ADCK1: variants seen among roughly 807,000 people sequenced by gnomAD.
ADCK1 encodes aarF domain containing kinase 1.
A neutral mutation model predicts 52.3 loss-of-function variants in ADCK1; 41 were observed. That is an observed-to-expected ratio of 0.78 (90% CI 0.61 to 1.02). ADCK1 has a LOEUF of 1.02. ADCK1 is among the 50% of genes least tolerant of loss of function. The probability of loss-of-function intolerance (pLI) is 0.00; values close to 1 mark genes in which losing one functional copy is unlikely to be tolerated. For missense variants in ADCK1, 658 were observed against 679.5 expected (o/e 0.97, Z 0.35); for synonymous variants, 250 against 274.6 (o/e 0.91, Z 0.89).
In ADCK1 at chr14:77,903,288, C is replaced by T. The variant is rs137883656; in HGVS notation, c.741+4030C>T. Among the ~76,000 whole-genome samples the T allele has an allele frequency of 7.2e-3, 1,090 of 152,314 alleles. 13 individuals carry two copies. The highest frequency in any genetic ancestry group is 0.025 in the African/African-American group (1,036 of 41,570). On this transcript the variant is annotated intron_variant, in intron 6 of 10. Transcript: ENST00000238561. Reference sequence around the variant, plus strand: ...GGAAGTGAATTTTGCACTGTGAACCCAGTTCAGCTCTTAAAACTGGAGATA... The same window carrying T: ...GGAAGTGAATTTTGCACTGTGAACCTAGTTCAGCTCTTAAAACTGGAGATA...
At chr14:77,908,001 T>A (rs1250251432) in intron 7 of ADCK1, 82 bp downstream of exon 7, 12 of 1,170,608 alleles carry the variant, frequency 1.0e-5, no homozygotes, top group Non-Finnish European at 1.5e-5. Flanking sequence ...TGTGTCCAGG[T>A]GAGGCCTCAG....
At chr14:77,905,553 G>A (rs906466657) in intron 6 of ADCK1, among the ~76,000 whole-genome samples, 1 of 151,946 alleles carries the variant, frequency 6.6e-6, no homozygotes, top group Non-Finnish European at 1.5e-5. Context: ...TTGACCTCTT[G>A]TCTCCAGAGC....
At chr14:77,870,907 T>G (rs2082762116) in intron 4 of ADCK1, among the ~76,000 whole-genome samples, 1 of 152,178 alleles carries the variant, frequency 6.6e-6, no homozygotes, top group South Asian at 2.1e-4. Flanking sequence ...GCTGTCAGTA[T>G]GGGCAGGGTG....
chr14:77,872,677 CT>C (rs35569874), intron 4 of ADCK1, among the ~76,000 whole-genome samples: 41,604 of 140,736 alleles, frequency 0.3, 7,285 homozygotes, highest in East Asian at 0.49. Flanking sequence ...TTCCCCACTC[CT>C]TTTTTTTTTT....
chr14:77,905,258 C>G (rs2083633981), intron 6 of ADCK1, among the ~76,000 whole-genome samples: 1 of 148,496 alleles, frequency 6.7e-6, no homozygotes, highest in South Asian at 2.1e-4. Context: ...CAGAGAAGCT[C>G]CAGCCTGTGG....
At chr14:77,896,978 T>C (rs1448050188) in intron 5 of ADCK1, among the ~76,000 whole-genome samples, 1 of 152,186 alleles carries the variant, frequency 6.6e-6, no homozygotes, top group African/African-American at 2.4e-5. Context: ...TAGTTAATAG[T>C]CTGGCTTTAG....
chr14:77,881,950 C>T (rs11629157), intron 4 of ADCK1, among the ~76,000 whole-genome samples: 55,683 of 151,980 alleles, frequency 0.37, 11,288 homozygotes, highest in Admixed American at 0.5. Context: ...GCAGCAAAAG[C>T]GGGTATTGGC....
chr14:77,854,968 T>G (rs2140127581), intron 3 of ADCK1, among the ~76,000 whole-genome samples: 1 of 152,342 alleles, frequency 6.6e-6, no homozygotes, highest in South Asian at 2.1e-4. Context: ...AATTGCCCCA[T>G]CATTAGGTAG....
chr14:77,883,383 T>G (rs1595011158), intron 4 of ADCK1, among the ~76,000 whole-genome samples: 1 of 137,554 alleles, frequency 7.3e-6, no homozygotes. Flanking sequence ...TGGAGGGGGG[T>G]GGTGTTTGTT....
chr14:77,922,816 T>G (rs1251412074), intron 7 of ADCK1, among the ~76,000 whole-genome samples: 1 of 152,198 alleles, frequency 6.6e-6, no homozygotes, highest in Non-Finnish European at 1.5e-5. Context: ...GGATGTCAGC[T>G]GGTTGTTACT....
Position 77,833,476 on chromosome 14 carries a change from A to C in ADCK1, c.219+10958A>C, listed in dbSNP as rs558974884. Among the ~76,000 whole-genome samples, 4 of 152,242 alleles carry C rather than the reference A, an allele frequency of 2.6e-5. No individual in the cohort carries two copies. In the East Asian group the frequency reaches 7.7e-4, roughly 29 times the overall value. ...CGGAGTTTGTGATAATTTCTGCAGG[A>C]GCATGAGCTGCATTTAATTCTCTCT... On this transcript the variant is annotated intron_variant, in intron 3 of 10. Transcript: ENST00000238561.
At chr14:77,810,837 G>T (rs566333341) in intron 1 of ADCK1, among the ~76,000 whole-genome samples, 2 of 152,274 alleles carry the variant, frequency 1.3e-5, no homozygotes, top group Admixed American at 6.5e-5. Context: ...GGCAAGGCTG[G>T]GTTCTTTACC....
At chr14:77,821,620 C>A (rs2081584003) in intron 2 of ADCK1, among the ~76,000 whole-genome samples, 2 of 151,902 alleles carry the variant, frequency 1.3e-5, no homozygotes, top group African/African-American at 4.8e-5. Flanking sequence ...GTGGCTCATG[C>A]CTGTAATCCC....
chr14:77,902,390 G>A (rs952356904), intron 6 of ADCK1: 1 of 152,182 alleles, frequency 6.6e-6, no homozygotes, highest in Non-Finnish European at 1.5e-5. Flanking sequence ...TCTTGTGTGT[G>A]TAAATCCAGG....
chr14:77,823,220 A>G (rs1043490164), intron 3 of ADCK1, among the ~76,000 whole-genome samples: 1 of 152,122 alleles, frequency 6.6e-6, no homozygotes, highest in Non-Finnish European at 1.5e-5. Flanking sequence ...GGTCAAGTGT[A>G]GATACCTTTG....
Position 77,842,864 on chromosome 14 carries a change from T to TTTTTC in ADCK1, c.220-16193_220-16189dup, listed in dbSNP as rs374756972. On this transcript the variant is annotated intron_variant, in intron 3 of 10. Transcript: ENST00000238561. ...TGTGCCTGGTCGAGGGTATTTTTTCTTTTTCTTTTCTTTTCTTTTCTTTCT... is the reference window on the plus strand; with the variant it reads ...TGTGCCTGGTCGAGGGTATTTTTTCTTTTTCTTTTCTTTTCTTTTCTTTTCTTTCT... 1.3e-3 allele frequency among the ~76,000 whole-genome samples: 190 copies of TTTTTC among 146,954 alleles called. 1 individual carries two copies. The highest frequency in any genetic ancestry group is 2.5e-3 in the East Asian group (13 of 5,158).
At position 77,815,453 on chromosome 14, in the gene ADCK1, T is replaced by C. The variant is rs2081427070; in HGVS notation, c.-11-3515T>C. Among the ~76,000 whole-genome samples, 3 of 151,254 alleles carry C rather than the reference T, an allele frequency of 2.0e-5. No individual in the cohort carries two copies. In the South Asian group the frequency reaches 6.3e-4, roughly 32 times the overall value. On this transcript the variant is annotated intron_variant, in intron 1 of 10. Transcript: ENST00000238561. ...TTGAACTCCTAGGCCCAAACAGTCC[T>C]CCCATTGTGGCCTCCGGAAGTGCTG...
At chr14:77,925,721 G>A (rs775932690) in intron 8 of ADCK1, 43 bp from the exon 9 acceptor site, 1 of 1,598,296 alleles carries the variant, frequency 6.3e-7, no homozygotes, top group Non-Finnish European at 8.6e-7. Context: ...GCCTTTGGTG[G>A]GGAGACGAGG....
chr14:77,864,951 G>A (rs1239196906), intron 4 of ADCK1, among the ~76,000 whole-genome samples: 1 of 152,144 alleles, frequency 6.6e-6, no homozygotes, highest in Admixed American at 6.6e-5. Context: ...CTCATGCTAT[G>A]GAGAGTAATC....
Sources: allele counts gnomAD v4.1 joint callset (sites outside exome capture counted in the v4.1 genomes callset), GRCh38; gene constraint gnomAD v4.1.1; transcripts MANE v1.5; gene names NCBI Gene and HGNC (gene_info 2026-07-23, HGNC 2026-07-21).